Variants in CNTN4 observed in about 807,000 individuals in gnomAD.
CNTN4 encodes the protein contactin 4.
CNTN4 carries 77 observed loss-of-function variants against 122.5 expected under a neutral mutation model. The observed-to-expected ratio is 0.63, with a 90% confidence interval of 0.52 to 0.76. CNTN4 has a LOEUF of 0.76. Ranked by LOEUF, CNTN4 falls within the 30% of genes least tolerant of loss-of-function variation. The pLI is 0.00. For synonymous variants in CNTN4, 512 were observed against 447.0 expected (o/e 1.15, Z -1.83); for missense variants, 1,256 against 1,259.1 (o/e 1.00, Z 0.04).
chr3:2,834,984 C>A (rs917358760), intron 7 of CNTN4, among the ~76,000 whole-genome samples: 3 of 141,228 alleles, frequency 2.1e-5, no homozygotes, highest in Non-Finnish European at 4.5e-5. Context: ...GGCTCACTGC[C>A]AGCTCCGCCT....
At chr3:2,708,311 A>G (rs1000918697) in intron 4 of CNTN4, among the ~76,000 whole-genome samples, 3 of 152,194 alleles carry the variant, frequency 2.0e-5, no homozygotes, top group African/African-American at 7.2e-5. Context: ...TTAAAAAGAA[A>G]TGGGGTTTCC....
At chr3:3,031,714 A>C (rs1274152083) in intron 16 of CNTN4, among the ~76,000 whole-genome samples, 1 of 152,214 alleles carries the variant, frequency 6.6e-6, no homozygotes. Flanking sequence ...ACCAGTGTAC[A>C]TACCAGAATC....
intron 3 of CNTN4, among the ~76,000 whole-genome samples, chr3:2,357,801 C>T (rs148722822): frequency 5.6e-4 from 85 of 152,280 alleles, no homozygotes; most frequent in African/African-American, 1.9e-3. Context: ...TGATTAATTG[C>T]TATAAATTGC....
intron 2 of CNTN4, among the ~76,000 whole-genome samples, chr3:2,139,092 G>C (rs1202496967): frequency 6.6e-6 from 1 of 152,114 alleles, no homozygotes; most frequent in Non-Finnish European, 1.5e-5. Context: ...TGAGTACTGG[G>C]TTTGCTTAAT....
chr3:2,364,058 G>A (rs759361113), intron 3 of CNTN4, among the ~76,000 whole-genome samples: 19 of 151,972 alleles, frequency 1.3e-4, no homozygotes, highest in South Asian at 8.3e-4. Flanking sequence ...CCTGGATATA[G>A]TGCTATAATA....
intron 3 of CNTN4, among the ~76,000 whole-genome samples, chr3:2,411,264 C>T (rs2047217191): frequency 2.0e-5 from 3 of 152,102 alleles, no homozygotes; most frequent in Admixed American, 2.0e-4. Flanking sequence ...TGCAGCAAAC[C>T]ACCATGATAC....
intron 3 of CNTN4, among the ~76,000 whole-genome samples, chr3:2,426,107 G>A (rs1195254912): frequency 6.6e-6 from 1 of 152,122 alleles, no homozygotes; most frequent in Admixed American, 6.5e-5. Context: ...ACACTATGTT[G>A]AATAGGAGTG....
chr3:2,975,980 G>C (rs927994709), intron 13 of CNTN4, among the ~76,000 whole-genome samples: 5 of 152,138 alleles, frequency 3.3e-5, no homozygotes, highest in Admixed American at 2.6e-4. Flanking sequence ...TGGAAACATG[G>C]AGATCTTGCA....
intron 3 of CNTN4, among the ~76,000 whole-genome samples, chr3:2,515,807 T>C (rs558362779): frequency 7.2e-5 from 11 of 152,282 alleles, no homozygotes; most frequent in Non-Finnish European, 1.6e-4. Flanking sequence ...TTTATACTTG[T>C]AGGACATGGA....
At chr3:2,559,846 C>T (rs59388033) in intron 3 of CNTN4, among the ~76,000 whole-genome samples, 10,001 of 152,152 alleles carry the variant, frequency 0.066, 453 homozygotes, top group Non-Finnish European at 0.094. Context: ...TGTTCATAGG[C>T]AAATAAACCT....
chr3:2,854,268 C>CTTTTTTTTTTTTTT (rs56147510), intron 7 of CNTN4, among the ~76,000 whole-genome samples: 8 of 90,050 alleles, frequency 8.9e-5, no homozygotes, highest in Non-Finnish European at 1.0e-4. Flanking sequence ...CTTTCTTCTT[C>CTTTTTTTTTTTTTT]TTTTTTTTTT....
intron 2 of CNTN4, among the ~76,000 whole-genome samples, chr3:2,201,010 C>G (rs1008708935): frequency 2.0e-5 from 3 of 152,128 alleles, no homozygotes; most frequent in Non-Finnish European, 4.4e-5. Context: ...GAATGTGAGA[C>G]TTTAGGGGGA....
chr3:2,259,842 A>T (rs1278118299), intron 2 of CNTN4, among the ~76,000 whole-genome samples: 2 of 152,156 alleles, frequency 1.3e-5, no homozygotes, highest in East Asian at 3.9e-4. Flanking sequence ...TGGGGTTCAC[A>T]TCCTCGTATC....
chr3:2,670,351 C>G (rs1269223530), intron 4 of CNTN4, among the ~76,000 whole-genome samples: 1 of 152,198 alleles, frequency 6.6e-6, no homozygotes, highest in East Asian at 1.9e-4. Flanking sequence ...ATGTAATGGC[C>G]TTCTTTGTCT....
intron 4 of CNTN4, among the ~76,000 whole-genome samples, chr3:2,596,728 G>A (rs1291511207): frequency 2.6e-5 from 4 of 152,054 alleles, no homozygotes; most frequent in East Asian, 1.9e-4. Context: ...GAATCTAGGC[G>A]ATTTGACTCT....
intron 7 of CNTN4, among the ~76,000 whole-genome samples, chr3:2,837,161 C>A (rs938598880): frequency 1.3e-5 from 2 of 151,946 alleles, no homozygotes; most frequent in African/African-American, 4.9e-5. Flanking sequence ...CAGCTCAGCT[C>A]TTACATGGTT....
intron 4 of CNTN4, among the ~76,000 whole-genome samples, chr3:2,728,517 A>G (rs2088405539): frequency 6.6e-6 from 1 of 152,212 alleles, no homozygotes; most frequent in South Asian, 2.1e-4. Context: ...CCAGCTTAGC[A>G]GAACTTCCCC....
intron 2 of CNTN4, among the ~76,000 whole-genome samples, chr3:2,302,575 A>G (rs1471589574): frequency 6.6e-6 from 1 of 152,222 alleles, no homozygotes; most frequent in South Asian, 2.1e-4. Flanking sequence ...TTGAAATGCA[A>G]TAATATTTTC....
At chr3:2,101,879 T>A (rs2125082985) in intron 2 of CNTN4, among the ~76,000 whole-genome samples, 1 of 152,326 alleles carries the variant, frequency 6.6e-6, no homozygotes, top group East Asian at 1.9e-4. Flanking sequence ...ACTTTAAAGA[T>A]CACTGCTGGT....
Sources: allele counts gnomAD v4.1 joint callset (sites outside exome capture counted in the v4.1 genomes callset), GRCh38; gene constraint gnomAD v4.1.1; transcripts MANE v1.5; gene names NCBI Gene and HGNC (gene_info 2026-07-23, HGNC 2026-07-21).